The following CHN1 variants were observed in gnomAD, a reference collection of about 807,000 sequenced individuals.
CHN1 encodes the protein N-chimaerin.
A neutral mutation model predicts 59.5 loss-of-function variants in CHN1; 37 were observed. The observed-to-expected ratio is 0.62, with a 90% CI of 0.48 to 0.82. CHN1 has a LOEUF of 0.82. CHN1 is among the 40% of genes least tolerant of loss of function. The probability of loss-of-function intolerance (pLI) is 0.00; values close to 1 mark genes in which losing one functional copy is unlikely to be tolerated. For missense variants in CHN1, 469 were observed against 571.0 expected (o/e 0.82, Z 1.82); for synonymous variants, 206 against 200.4 (o/e 1.03, Z -0.24).
At chr2:174,821,809 A>G in intron 8 of CHN1, 1 of 414,960 alleles carries the variant, frequency 2.4e-6, no homozygotes, top group South Asian at 1.8e-5. Flanking sequence ...GTTATTTACA[A>G]ATTACCCAGT....
Position 174,966,255 on chromosome 2 carries a change from A to C in CHN1, c.20-14053T>G, listed in dbSNP as rs563203481. Among the ~76,000 whole-genome samples, 58 of 152,324 alleles carry C rather than the reference A, an allele frequency of 3.8e-4. No individual in the cohort carries two copies. In the South Asian group the frequency reaches 0.011, roughly 30 times the overall value. ...ATGTGTCATGATTCAACTCTGATGG[A>C]AATAAACTATTTTTAAAACAAAAGA... On this transcript the variant is annotated intron_variant, in intron 1 of 12. Coordinates refer to ENST00000409900, the MANE Select transcript of CHN1 (RefSeq NM_001822.7).
At chr2:174,932,932 A>C (rs1574181593) in intron 3 of CHN1, among the ~76,000 whole-genome samples, 2 of 152,198 alleles carry the variant, frequency 1.3e-5, no homozygotes, top group South Asian at 4.1e-4. Context: ...CTTTATAGCA[A>C]TGTGAGAACA....
At chr2:174,813,322 G>A (rs1685137269) in intron 8 of CHN1, among the ~76,000 whole-genome samples, 1 of 152,212 alleles carries the variant, frequency 6.6e-6, no homozygotes, top group Non-Finnish European at 1.5e-5. Context: ...CGTATAGGAT[G>A]AGGTATGGGG....
chr2:174,821,759 T>TG (rs1685505106), intron 8 of CHN1: 1 of 460,290 alleles, frequency 2.2e-6, no homozygotes, highest in Non-Finnish European at 4.5e-6. Context: ...AGCTTGATCT[T>TG]GGACTTCCTG....
intron 2 of CHN1, among the ~76,000 whole-genome samples, chr2:174,951,518 A>C (rs1013562893): frequency 2.0e-5 from 3 of 152,250 alleles, no homozygotes; most frequent in African/African-American, 7.2e-5. Context: ...TGCATTCATA[A>C]ATTTTAAAAA....
At chr2:174,832,496 A>G (rs1685913083) in intron 7 of CHN1, among the ~76,000 whole-genome samples, 1 of 151,864 alleles carries the variant, frequency 6.6e-6, no homozygotes, top group African/African-American at 2.4e-5. Flanking sequence ...ATGAATTTTG[A>G]TATGTTTTAT....
intron 1 of CHN1, among the ~76,000 whole-genome samples, chr2:174,964,247 T>C (rs1258889261): frequency 6.6e-6 from 1 of 152,170 alleles, no homozygotes; most frequent in Non-Finnish European, 1.5e-5. Flanking sequence ...CTCCCAAGTA[T>C]GGGAGATAAC....
rs147916957 is a variant in CHN1 at position 174,900,395 on chromosome 2, T to G, written c.260+14663A>C. On this transcript the variant is annotated intron_variant, in intron 5 of 12. Transcript: ENST00000409900. ...GATATGTGCCTGTAGGCCTAGCTACTTGGGAGGCTGAGGCAGGAGGATCAC... is the reference window on the plus strand; with the variant it reads ...GATATGTGCCTGTAGGCCTAGCTACGTGGGAGGCTGAGGCAGGAGGATCAC... Among the ~76,000 whole-genome samples the G allele has an allele frequency of 3.3e-5, 5 of 152,130 alleles. No homozygotes were observed. The East Asian group carries it at 9.7e-4, about 29-fold the overall frequency.
chr2:174,867,056 CTTAA>C (rs1687238823), intron 6 of CHN1, among the ~76,000 whole-genome samples: 2 of 137,846 alleles, frequency 1.5e-5, no homozygotes, highest in East Asian at 4.0e-4. Flanking sequence ...CTTTTTTTTA[CTTAA>C]TTTTTTTTTT....
rs1346705359 is a variant in CHN1 at position 174,833,754 on chromosome 2, T to C, written c.628-9236A>G. On this transcript the variant is annotated intron_variant, in intron 7 of 12. Coordinates refer to ENST00000409900, the MANE Select transcript of CHN1 (RefSeq NM_001822.7). The stretch of plus-strand genomic sequence containing the variant: ...TTTATCTCCACTGTTAGTTTAACTA[T>C]GTCAATTTTAGTTTTATTCTAAGGT... 2.0e-5 allele frequency among the ~76,000 whole-genome samples: 3 copies of C among 152,124 alleles called. 1 individual carries two copies. Among genetic ancestry groups the C allele is most frequent in the African/African-American group, 7.2e-5 (3 of 41,420 alleles).
At chr2:174,992,825 A>T (rs956071410) in intron 1 of CHN1, among the ~76,000 whole-genome samples, 12 of 151,568 alleles carry the variant, frequency 7.9e-5, no homozygotes, top group African/African-American at 2.7e-4. Flanking sequence ...TTTAAGAGAC[A>T]GAGTCTGACT....
intron 5 of CHN1, among the ~76,000 whole-genome samples, chr2:174,909,140 T>C (rs1688620683): frequency 6.6e-6 from 1 of 152,224 alleles, no homozygotes; most frequent in African/African-American, 2.4e-5. Flanking sequence ...AGTAAGAGAT[T>C]GACCAGAGCT....
chr2:174,895,219 C>T lies in CHN1; in HGVS notation c.261-17091G>A, dbSNP rs899082660. 4.6e-3 allele frequency among the ~76,000 whole-genome samples: 663 copies of T among 144,298 alleles called. 3 individuals are homozygous for T. Among genetic ancestry groups the T allele is most frequent in the African/African-American group, 0.015 (562 of 38,024 alleles). The allele number at this position is 144,298 out of a possible 152,430, so 94.7% of individuals were successfully genotyped here. A position where few individuals can be genotyped will look rare whatever the true frequency, so the allele number is the denominator to read the frequency against. On this transcript the variant is annotated intron_variant, in intron 5 of 12. Transcript: ENST00000409900. The stretch of plus-strand genomic sequence containing the variant: ...GTGTGTATATATATATATATACACA[C>T]ACACACACACACACACACACAATGG...
At chr2:174,945,976 A>C (rs924210537) in intron 2 of CHN1, among the ~76,000 whole-genome samples, 2 of 150,998 alleles carry the variant, frequency 1.3e-5, no homozygotes, top group Admixed American at 6.6e-5. Flanking sequence ...ATCTCTCTCT[A>C]CACACACACA....
chr2:174,911,232 AG>A (rs1688693357), intron 5 of CHN1, among the ~76,000 whole-genome samples: 1 of 152,208 alleles, frequency 6.6e-6, no homozygotes, highest in Non-Finnish European at 1.5e-5. Context: ...TTAAATAATT[AG>A]TTCTAAAATG....
At chr2:174,898,091 G>C (rs1192758493) in intron 5 of CHN1, among the ~76,000 whole-genome samples, 1 of 151,976 alleles carries the variant, frequency 6.6e-6, no homozygotes, top group Non-Finnish European at 1.5e-5. Flanking sequence ...AAATCCAAAT[G>C]GTATCTTCAC....
At chr2:174,838,674 A>G (rs1574074046) in intron 7 of CHN1, among the ~76,000 whole-genome samples, 1 of 152,134 alleles carries the variant, frequency 6.6e-6, no homozygotes, top group East Asian at 1.9e-4. Context: ...GGGAAAAACC[A>G]ACTCCTGAAG....
chr2:174,846,314 C>A, intron 7 of CHN1: 1 of 1,548,542 alleles, frequency 6.5e-7, no homozygotes. Context: ...CATACGCATA[C>A]ATGGTGAAAG....
At chr2:174,816,969 G>A (rs1030467855) in intron 8 of CHN1, among the ~76,000 whole-genome samples, 1 of 151,962 alleles carries the variant, frequency 6.6e-6, no homozygotes, top group African/African-American at 2.4e-5. Flanking sequence ...AGACAATGAG[G>A]TTGAGAGAGG....
Sources: allele counts gnomAD v4.1 joint callset (sites outside exome capture counted in the v4.1 genomes callset), GRCh38; gene constraint gnomAD v4.1.1; transcripts MANE v1.5; gene names NCBI Gene and HGNC (gene_info 2026-07-23, HGNC 2026-07-21).